The following HEMK2 variants were observed in gnomAD, a reference collection of about 807,000 sequenced individuals.
The protein encoded by HEMK2 is methyltransferase HEMK2.
chr21:28,829,847 C>A, the HEMK2 span, among the ~76,000 whole-genome samples: 3 of 152,116 alleles, frequency 2.0e-5, no homozygotes, highest in South Asian at 6.2e-4. Context: ...TCATTGATAC[C>A]CATTATAATG....
chr21:28,669,339 A>C, the HEMK2 span, among the ~76,000 whole-genome samples: 2 of 152,182 alleles, frequency 1.3e-5, no homozygotes, highest in Non-Finnish European at 2.9e-5. Flanking sequence ...AGCCTGGGTG[A>C]CAGAGTGAGA....
chr21:28,660,964 T>C, the HEMK2 span, among the ~76,000 whole-genome samples: 1 of 152,146 alleles, frequency 6.6e-6, no homozygotes, highest in African/African-American at 2.4e-5. Context: ...GCCAGTTTGG[T>C]AAATTTTTTT....
At chr21:28,694,607 A>C in the HEMK2 span, among the ~76,000 whole-genome samples, 1 of 151,422 alleles carries the variant, frequency 6.6e-6, no homozygotes, top group African/African-American at 2.4e-5. Context: ...GCATTTCCCA[A>C]ATGTTCAATT....
At chr21:28,674,189 A>T in the HEMK2 span, among the ~76,000 whole-genome samples, 11 of 152,362 alleles carry the variant, frequency 7.2e-5, no homozygotes, top group East Asian at 1.9e-3. Flanking sequence ...TACAGATGCC[A>T]TGGCAACATC....
the HEMK2 span, among the ~76,000 whole-genome samples, chr21:28,731,722 A>G: frequency 6.6e-6 from 1 of 151,706 alleles, no homozygotes; most frequent in Non-Finnish European, 1.5e-5. Context: ...TAACCTGCAC[A>G]TTGTGCACAT....
At chr21:28,712,336 A>G in the HEMK2 span, among the ~76,000 whole-genome samples, 1 of 152,226 alleles carries the variant, frequency 6.6e-6, no homozygotes, top group Admixed American at 6.5e-5. Context: ...ATCAGAGGGT[A>G]TGCTCACAAT....
At chr21:28,687,139 G>T in the HEMK2 span, among the ~76,000 whole-genome samples, 24 of 152,338 alleles carry the variant, frequency 1.6e-4, no homozygotes, top group African/African-American at 5.5e-4. Flanking sequence ...TGCCCTGCTA[G>T]CATTCTATCT....
the HEMK2 span, among the ~76,000 whole-genome samples, chr21:28,825,410 T>C: frequency 6.6e-6 from 1 of 152,100 alleles, no homozygotes; most frequent in South Asian, 2.1e-4. Context: ...GCATAAGTAA[T>C]AGGTGTGAAG....
At chr21:28,576,210 A>T in the HEMK2 span, among the ~76,000 whole-genome samples, 2 of 152,236 alleles carry the variant, frequency 1.3e-5, no homozygotes, top group South Asian at 2.1e-4. Context: ...CCCAACCAGC[A>T]TATATGAGTT....
the HEMK2 span, among the ~76,000 whole-genome samples, chr21:28,727,290 G>A: frequency 6.6e-6 from 1 of 152,170 alleles, no homozygotes; most frequent in African/African-American, 2.4e-5. Context: ...CACTTCAGTG[G>A]CTTTGGAATA....
the HEMK2 span, among the ~76,000 whole-genome samples, chr21:28,741,986 G>A: frequency 6.6e-6 from 1 of 152,138 alleles, no homozygotes; most frequent in South Asian, 2.1e-4. Flanking sequence ...CACCACAAGA[G>A]AGAGCCTTCT....
the HEMK2 span, among the ~76,000 whole-genome samples, chr21:28,719,837 A>G: frequency 6.6e-6 from 1 of 152,226 alleles, no homozygotes; most frequent in East Asian, 1.9e-4. Context: ...ACTTATTTGT[A>G]ACTCCAAAAT....
At chr21:28,738,182 C>T in the HEMK2 span, among the ~76,000 whole-genome samples, 1 of 152,174 alleles carries the variant, frequency 6.6e-6, no homozygotes, top group African/African-American at 2.4e-5. Context: ...TAGCAATGGA[C>T]ACTTTGAACT....
the HEMK2 span, among the ~76,000 whole-genome samples, chr21:28,717,408 C>T: frequency 6.6e-6 from 1 of 151,612 alleles, no homozygotes; most frequent in Non-Finnish European, 1.5e-5. Flanking sequence ...AGTTTGTATA[C>T]CTAGAAGTGT....
the HEMK2 span, among the ~76,000 whole-genome samples, chr21:28,710,946 T>C: frequency 2.6e-5 from 4 of 152,188 alleles, no homozygotes; most frequent in African/African-American, 9.7e-5. Flanking sequence ...ATGCCTCCCA[T>C]ATTCCATAAG....
chr21:28,764,601 G>A, the HEMK2 span, among the ~76,000 whole-genome samples: 2 of 152,136 alleles, frequency 1.3e-5, no homozygotes, highest in African/African-American at 4.8e-5. Flanking sequence ...TCTATCAGTT[G>A]CACTCAGCAT....
chr21:28,789,205 CA>C, the HEMK2 span, among the ~76,000 whole-genome samples: 3 of 152,124 alleles, frequency 2.0e-5, no homozygotes, highest in Non-Finnish European at 4.4e-5. Flanking sequence ...GTAACATTGG[CA>C]GTATTTTTAT....
At chr21:28,717,045 T>C in the HEMK2 span, among the ~76,000 whole-genome samples, 1 of 152,238 alleles carries the variant, frequency 6.6e-6, no homozygotes. Context: ...GATTTTTGCA[T>C]CTGTGTTCAT....
chr21:28,816,289 T>G, the HEMK2 span, among the ~76,000 whole-genome samples: 1 of 152,182 alleles, frequency 6.6e-6, no homozygotes, highest in Non-Finnish European at 1.5e-5. Context: ...AAAAACAAAC[T>G]AAATAGTTTG....
Sources: gnomAD v4.1 joint callset for allele counts (sites outside exome capture counted in the v4.1 genomes callset) on GRCh38, gnomAD v4.1.1 for gene constraint, MANE v1.5 for transcripts, NCBI Gene and HGNC (gene_info 2026-07-23, HGNC 2026-07-21) for gene names.